C4orf51: variants seen among roughly 807,000 people sequenced by gnomAD.
The protein encoded by C4orf51 is uncharacterized protein C4orf51.
In C4orf51, 25 loss-of-function variants were observed where a neutral mutation model predicts 25.2. The observed-to-expected ratio is 0.99, with a 90% confidence interval of 0.72 to 1.39. The LOEUF (loss-of-function observed/expected upper bound fraction) is 1.39, where lower values mean the gene tolerates loss of function less well. C4orf51 is among the 40% of genes most tolerant of loss of function. The pLI, the probability that C4orf51 is intolerant of heterozygous loss-of-function variation, is 0.00. For synonymous variants in C4orf51, 100 were observed against 84.5 expected, an observed-to-expected ratio of 1.18 and a Z score of -1.01; for missense variants, 252 against 239.6, an observed-to-expected ratio of 1.05 and a Z score of -0.34.
chr4:145,775,877 C>T (rs770348989), downstream of C4orf51: 9 of 1,614,056 alleles, frequency 5.6e-6, no homozygotes, highest in East Asian at 2.2e-5. Context: ...ACCAGCTTCA[C>T]GGAATGGACG....
intron 1 of C4orf51, among the ~76,000 whole-genome samples, chr4:145,693,947 T>C (rs1174262493): frequency 1.6e-5 from 2 of 125,994 alleles, no homozygotes; most frequent in African/African-American, 3.0e-5. Context: ...ACTTCCCAGA[T>C]GGGGTGGCTG....
chr4:145,753,162 G>A (rs1034452592), intron 1 of C4orf51, among the ~76,000 whole-genome samples: 4 of 148,890 alleles, frequency 2.7e-5, no homozygotes, highest in African/African-American at 1.0e-4. Flanking sequence ...GTGTGTGTGT[G>A]TGTGTGTGTG....
At chr4:145,737,454 A>C (rs1560859240), downstream of C4orf51, among the ~76,000 whole-genome samples, 1 of 152,258 alleles carries the variant, frequency 6.6e-6, no homozygotes, top group Non-Finnish European at 1.5e-5. Context: ...AAAATAAAAC[A>C]TGAATAAGTT....
intron 1 of C4orf51, among the ~76,000 whole-genome samples, chr4:145,748,850 G>C (rs530153499): frequency 6.6e-6 from 1 of 151,920 alleles, no homozygotes; most frequent in South Asian, 2.1e-4. Context: ...TATAGCCATT[G>C]GATATAATGT....
chr4:145,683,828 G>T (rs1338032587), intron 1 of C4orf51, among the ~76,000 whole-genome samples: 1 of 152,036 alleles, frequency 6.6e-6, no homozygotes, highest in African/African-American at 2.4e-5. Flanking sequence ...AATGACTTTG[G>T]GTATGGCAAT....
intron 2 of C4orf51, among the ~76,000 whole-genome samples, chr4:145,704,156 G>T (rs1464826523): frequency 1.3e-5 from 2 of 152,214 alleles, no homozygotes; most frequent in African/African-American, 4.8e-5. Flanking sequence ...TTTTTATGTA[G>T]ATGAAGCCTC....
rs904305993 is a variant in C4orf51 at position 145,763,588 on chromosome 4, G to A, written n.167-7400G>A. On this transcript the variant is annotated intron_variant and non_coding_transcript_variant, in intron 1 of 1. Transcript: ENST00000510096. The surrounding 1 kb of genome is among the most constrained non-coding windows in gnomAD (Gnocchi z 4.6). ...GCTGGGGACTTTGGAGGTCCCTGAG[G>A]AAAGGCGAACTGGCAAAGCCACAAC... is the stretch of plus-strand genomic sequence containing the variant. Among the ~76,000 whole-genome samples the A allele has an allele frequency of 1.3e-5, 2 of 152,316 alleles. No homozygotes were observed. The highest frequency in any genetic ancestry group is 4.1e-4 in the South Asian group (2 of 4,820).
intron 2 of C4orf51, among the ~76,000 whole-genome samples, chr4:145,716,645 G>A (rs1484020366): frequency 6.6e-6 from 1 of 152,178 alleles, no homozygotes; most frequent in Non-Finnish European, 1.5e-5. Context: ...TTCAGGTAAT[G>A]CCCATTTGTG....
intron 1 of C4orf51, among the ~76,000 whole-genome samples, chr4:145,746,621 T>C (rs1733385043): frequency 6.6e-6 from 1 of 152,218 alleles, no homozygotes; most frequent in Admixed American, 6.5e-5. Context: ...TACAGCCATG[T>C]AGTGTAATTT....
intron 3 of C4orf51, among the ~76,000 whole-genome samples, chr4:145,727,616 C>CT (rs1243466334): frequency 1.3e-5 from 2 of 151,714 alleles, no homozygotes; most frequent in Non-Finnish European, 2.9e-5. Flanking sequence ...TGGCTCATGC[C>CT]TGTAATCCCA....
intron 1 of C4orf51, chr4:145,760,960 A>G: frequency 8.1e-7 from 1 of 1,236,460 alleles, no homozygotes; most frequent in Non-Finnish European, 1.0e-6. Flanking sequence ...GTACTTGTCA[A>G]AGCGCAAAGG....
intron 2 of C4orf51, among the ~76,000 whole-genome samples, chr4:145,713,291 T>A (rs563469595): frequency 6.6e-6 from 1 of 152,248 alleles, no homozygotes; most frequent in Non-Finnish European, 1.5e-5. Flanking sequence ...ATTCCTTTAA[T>A]GAATCTGAGC....
downstream of C4orf51, among the ~76,000 whole-genome samples, chr4:145,755,382 T>C (rs750918558): frequency 1.1e-4 from 16 of 152,296 alleles, no homozygotes; most frequent in Non-Finnish European, 5.9e-5. Context: ...GAAGTGTGAA[T>C]TGAAGCAGAT....
At chr4:145,685,707 C>T (rs1299299141) in intron 1 of C4orf51, among the ~76,000 whole-genome samples, 2 of 152,120 alleles carry the variant, frequency 1.3e-5, no homozygotes, top group Non-Finnish European at 2.9e-5. Context: ...GGCGGCGGGC[C>T]GTCTGCTTGT....
At chr4:145,792,103 C>T in the C4orf51 span, among the ~76,000 whole-genome samples, 2 of 152,160 alleles carry the variant, frequency 1.3e-5, no homozygotes, top group African/African-American at 2.4e-5. Flanking sequence ...ATGGTGACCT[C>T]GTTTTGGACC....
intron 2 of C4orf51, among the ~76,000 whole-genome samples, chr4:145,698,909 C>A (rs1401472471): frequency 6.6e-6 from 1 of 152,168 alleles, no homozygotes; most frequent in African/African-American, 2.4e-5. Flanking sequence ...ACTGAAGAAT[C>A]ACAAAAGAAG....
intron 2 of C4orf51, among the ~76,000 whole-genome samples, chr4:145,706,929 A>T (rs1205137682): frequency 1.3e-5 from 2 of 150,738 alleles, no homozygotes; most frequent in African/African-American, 4.9e-5. Context: ...CTCCTGCCTC[A>T]GCCTCTTGAG....
At chr4:145,752,814 G>A (rs564681204) in intron 1 of C4orf51, among the ~76,000 whole-genome samples, 12 of 152,238 alleles carry the variant, frequency 7.9e-5, no homozygotes, top group African/African-American at 2.6e-4. Context: ...CTCAAGTTCC[G>A]ACCACTTGGA....
At chr4:145,693,816 C>T (rs1361653658) in intron 1 of C4orf51, among the ~76,000 whole-genome samples, 51 of 51,760 alleles carry the variant, frequency 9.9e-4, no homozygotes, top group Non-Finnish European at 1.4e-3. Context: ...ACCTCCCGGA[C>T]GGGGCGGCTG....
Sources: gnomAD v4.1 joint callset for allele counts (sites outside exome capture counted in the v4.1 genomes callset) on GRCh38, gnomAD v4.1.1 for gene constraint, Gnocchi (gnomAD v3.1) non-coding constraint, MANE v1.5 for transcripts, NCBI Gene and HGNC (gene_info 2026-07-23, HGNC 2026-07-21) for gene names.